Variants in PTPRZ1 observed in about 807,000 individuals in gnomAD.
The protein encoded by PTPRZ1 is protein tyrosine phosphatase receptor type Z1.
Under a neutral mutation model 214.1 loss-of-function variants are expected in PTPRZ1, and 82 were observed. The observed-to-expected ratio is 0.38, with a 90% CI of 0.32 to 0.46. PTPRZ1 has a LOEUF of 0.46. PTPRZ1 is among the 20% of genes least tolerant of loss of function. The pLI is 1.00. For synonymous variants in PTPRZ1, 945 were observed against 987.9 expected (o/e 0.96, Z 0.81); for missense variants, 2,603 against 2,748.7 (o/e 0.95, Z 1.19).
intron 2 of PTPRZ1, among the ~76,000 whole-genome samples, chr7:121,930,615 T>C (rs1387571872): frequency 2.0e-5 from 3 of 152,190 alleles, no homozygotes; most frequent in African/African-American, 7.2e-5. Flanking sequence ...TCAATTTGAT[T>C]AGTCAAAAAT....
chr7:122,059,709 A>C, intron 28 of PTPRZ1, 44 bp from the exon 29 acceptor site: 1 of 1,561,604 alleles, frequency 6.4e-7, no homozygotes, highest in Non-Finnish European at 8.6e-7. Context: ...TGAGTGGTGC[A>C]TCTCAATGGA....
chr7:121,915,291 G>A (rs1036973503), intron 1 of PTPRZ1, among the ~76,000 whole-genome samples: 1 of 152,160 alleles, frequency 6.6e-6, no homozygotes, highest in African/African-American at 2.4e-5. Context: ...CAAGGGGTCT[G>A]GTGGAGGTCC....
rs374562150 is a variant in PTPRZ1, at chr7:121,976,868, A to G, written c.619+17A>G. 1.2e-6 allele frequency: 2 copies of G among 1,603,048 alleles called. No homozygotes were observed. The highest frequency in any genetic ancestry group is 1.7e-6 in the Non-Finnish European group (2 of 1,173,182). On this transcript the variant is annotated intron_variant, in intron 6 of 29. Transcript: ENST00000393386. ...GTCGTTTTGGTAAGCTACTTGGGGAACTATCTTTCTTCAGGATTCTGCTTT... is the reference window on the plus strand; with the variant it reads ...GTCGTTTTGGTAAGCTACTTGGGGAGCTATCTTTCTTCAGGATTCTGCTTT...
intron 2 of PTPRZ1, among the ~76,000 whole-genome samples, chr7:121,967,634 G>A (rs1056360916): frequency 1.3e-5 from 2 of 152,172 alleles, no homozygotes; most frequent in South Asian, 2.1e-4. Flanking sequence ...GATCAAGCTT[G>A]CATAAAAGTT....
chr7:121,950,383 A>G (rs1206601502), intron 2 of PTPRZ1, among the ~76,000 whole-genome samples: 4 of 152,226 alleles, frequency 2.6e-5, no homozygotes, highest in Non-Finnish European at 5.9e-5. Context: ...TGGACAAGTT[A>G]TCATCAGAAG....
At chr7:122,059,631 A>G (rs1792501357) in intron 28 of PTPRZ1, 122 bp from the exon 29 acceptor site, 1 of 1,107,380 alleles carries the variant, frequency 9.0e-7, no homozygotes. Flanking sequence ...AAGAGAGACA[A>G]TTCATTAAAA....
At chr7:121,927,582 A>T (rs1486938546) in intron 1 of PTPRZ1, among the ~76,000 whole-genome samples, 1 of 152,182 alleles carries the variant, frequency 6.6e-6, no homozygotes, top group East Asian at 1.9e-4. Context: ...CTGTTCCTCC[A>T]AGTGACAAAT....
chr7:122,034,175 A>T (rs1304568609), intron 16 of PTPRZ1, 60 bp downstream of exon 16: 2 of 1,565,896 alleles, frequency 1.3e-6, no homozygotes, highest in East Asian at 2.2e-5. Context: ...CTTTTAAAAA[A>T]TTTCATTTGA....
chr7:121,891,489 T>G (rs1265059307), intron 1 of PTPRZ1, among the ~76,000 whole-genome samples: 3 of 145,866 alleles, frequency 2.1e-5, no homozygotes, highest in Non-Finnish European at 3.0e-5. Context: ...TTTAGTTTGA[T>G]TTTGCTTGAA....
chr7:121,926,789 T>G (rs1008483922), intron 1 of PTPRZ1, among the ~76,000 whole-genome samples: 2 of 152,210 alleles, frequency 1.3e-5, no homozygotes. Flanking sequence ...ATGGATGAAT[T>G]GTGTGATACG....
chr7:121,969,454 C>A (rs1554438870), intron 3 of PTPRZ1, among the ~76,000 whole-genome samples: 1 of 150,518 alleles, frequency 6.6e-6, no homozygotes, highest in Non-Finnish European at 1.5e-5. Flanking sequence ...CCCAGCTACT[C>A]GGGAGGCTGA....
chr7:121,996,703 T>G, intron 9 of PTPRZ1, 137 bp downstream of exon 9: 1 of 596,978 alleles, frequency 1.7e-6, no homozygotes, highest in Non-Finnish European at 2.6e-6. Flanking sequence ...CTGAGTATTT[T>G]TAAATTTAAA....
chr7:122,012,085 G>A lies in PTPRZ1; in HGVS notation c.3039G>A (p.Leu1013=). 1 of 1,614,164 alleles carries A rather than the reference G, an allele frequency of 6.2e-7. No homozygotes were observed. Among genetic ancestry groups the A allele is most frequent in the Non-Finnish European group, 8.5e-7 (1 of 1,179,984 alleles). ...TTCTTTTACCTGACACAGATGGGCTGACAGCCCTTAACATTTCTTCACCTG... is the reference window on the plus strand; with the variant it reads ...TTCTTTTACCTGACACAGATGGGCTAACAGCCCTTAACATTTCTTCACCTG... ...SEFLLPDTDG[L]TALNISSPVS... Residue 1013 remains leucine (L), a synonymous_variant, in exon 12 of 30, where the codon CTG becomes CTA. Coordinates refer to ENST00000393386, the MANE Select transcript of PTPRZ1 (RefSeq NM_002851.3).
At chr7:121,883,341 A>G (rs1794298868) in intron 1 of PTPRZ1, among the ~76,000 whole-genome samples, 1 of 152,164 alleles carries the variant, frequency 6.6e-6, no homozygotes, top group South Asian at 2.1e-4. Context: ...AATCTTATCA[A>G]ATGCCAATAT....
At chr7:121,906,016 A>G (rs1169380402) in intron 1 of PTPRZ1, among the ~76,000 whole-genome samples, 1 of 152,214 alleles carries the variant, frequency 6.6e-6, no homozygotes, top group African/African-American at 2.4e-5. Flanking sequence ...TTGCTTCTCA[A>G]ATAAAAGCTG....
At chr7:122,040,123 T>C (rs1441875737) in intron 20 of PTPRZ1, among the ~76,000 whole-genome samples, 1 of 152,214 alleles carries the variant, frequency 6.6e-6, no homozygotes, top group Non-Finnish European at 1.5e-5. Flanking sequence ...ATGTGATACA[T>C]GAACAGAAAT....
In PTPRZ1 at chr7:121,984,061, A is replaced by C; in HGVS notation, c.872A>C (p.Lys291Thr). The change falls in exon 8 of 30, where the codon AAG becomes ACG. Residue 291 changes from lysine to threonine, a missense_variant. Coordinates refer to ENST00000393386, the MANE Select transcript of PTPRZ1 (RefSeq NM_002851.3). ...LQNNFREQQY[K>T]FSRQVFSSYT... ...AACAATTTTCGAGAGCAACAGTACA[A>C]GTTCTCTAGACAGGTGTTTTCCTCA... 1 of 1,613,616 alleles carries C rather than the reference A, an allele frequency of 6.2e-7. No individual in the cohort carries two copies. The highest frequency in any genetic ancestry group is 8.5e-7 in the Non-Finnish European group (1 of 1,179,670).
In PTPRZ1 at chr7:121,928,219, C is replaced by A. The variant is rs1375293979; in HGVS notation, c.122C>A (p.Thr41Lys). ...KLVEEIGWSY[T>K]GALNQKNWGK... The stretch of plus-strand genomic sequence containing the variant: ...GTTGAAGAGATTGGCTGGTCCTATA[C>A]AGGTAAACATATTACTTATATAATG... Residue 41 changes from threonine to lysine, a missense_variant and splice_region_variant, in exon 2 of 30, where the codon ACA becomes AAA. By Grantham distance (78) the Thr-to-Lys change is moderately conservative (BLOSUM62 -1). Transcript: ENST00000393386. The A allele has an allele frequency of 6.2e-7, 1 of 1,601,102 alleles. No individual in the cohort carries two copies. Among genetic ancestry groups the A allele is most frequent in the Non-Finnish European group, 8.6e-7 (1 of 1,169,560 alleles).
At chr7:121,925,474 T>C (rs1795727350) in intron 1 of PTPRZ1, among the ~76,000 whole-genome samples, 1 of 152,212 alleles carries the variant, frequency 6.6e-6, no homozygotes, top group Admixed American at 6.5e-5. Flanking sequence ...TGTCTATTAC[T>C]TGATGAATGG....
Sources: gnomAD v4.1 joint callset for allele counts (sites outside exome capture counted in the v4.1 genomes callset) on GRCh38, gnomAD v4.1.1 for gene constraint, MANE v1.5 for transcripts, NCBI Gene and HGNC (gene_info 2026-07-23, HGNC 2026-07-21) for gene names.